The following SLC14A2 variants were observed in gnomAD, a reference collection of about 807,000 sequenced individuals.
SLC14A2 encodes solute carrier family 14 member 2.
SLC14A2 carries 91 observed loss-of-function variants against 104.6 expected under a neutral mutation model. The observed-to-expected ratio is 0.87, with a 90% confidence interval of 0.73 to 1.04. The LOEUF (loss-of-function observed/expected upper bound fraction) is 1.04. SLC14A2 is among the 50% of genes least tolerant of loss of function. SLC14A2 has a pLI of 0.00. For missense variants in SLC14A2, 1,189 were observed against 1,156.0 expected, an observed-to-expected ratio of 1.03 and a Z score of -0.41; for synonymous variants, 476 against 466.4, an observed-to-expected ratio of 1.02 and a Z score of -0.27.
chr18:45,387,878 A>G (rs2085915310), intron 1 of SLC14A2, among the ~76,000 whole-genome samples: 2 of 152,144 alleles, frequency 1.3e-5, no homozygotes, highest in African/African-American at 2.4e-5. Flanking sequence ...AAGCCGGTAT[A>G]GGCTTTGTCC....
intron 10 of SLC14A2, among the ~76,000 whole-genome samples, chr18:45,649,063 C>T (rs1047032947): frequency 3.9e-5 from 6 of 152,160 alleles, no homozygotes; most frequent in South Asian, 2.1e-4. Flanking sequence ...CCCAGCTACT[C>T]GGGAGGCTGA....
chr18:45,177,616 A>G, the SLC14A2 span, among the ~76,000 whole-genome samples: 1 of 152,138 alleles, frequency 6.6e-6, no homozygotes, highest in African/African-American at 2.4e-5. Context: ...ATCAGATTAA[A>G]TGTTAGTGCC....
chr18:45,433,718 A>G (rs2086554178), intron 1 of SLC14A2, among the ~76,000 whole-genome samples: 1 of 152,236 alleles, frequency 6.6e-6, no homozygotes. Context: ...TTGGATTCAA[A>G]CTAAGAGGAT....
At chr18:45,382,375 T>C (rs2085848348) in intron 1 of SLC14A2, among the ~76,000 whole-genome samples, 1 of 152,140 alleles carries the variant, frequency 6.6e-6, no homozygotes, top group Non-Finnish European at 1.5e-5. Flanking sequence ...TATTGAGCAG[T>C]ATAATGGGGG....
chr18:45,222,260 A>G (rs78452427), intron 1 of SLC14A2, among the ~76,000 whole-genome samples: 1 of 152,130 alleles, frequency 6.6e-6, no homozygotes, highest in Non-Finnish European at 1.5e-5. Flanking sequence ...TCTTTCTGCC[A>G]AAAAAAGTAT....
Position 45,291,005 on chromosome 18 carries a change from C to T in SLC14A2, c.-125+77814C>T, listed in dbSNP as rs563474413. Among the ~76,000 whole-genome samples the T allele has an allele frequency of 4.0e-4, 61 of 152,206 alleles. 1 individual carries two copies. The highest frequency in any genetic ancestry group is 3.4e-3 in the Middle Eastern group (1 of 294). On this transcript the variant is annotated intron_variant, in intron 1 of 20. Coordinates refer to the SLC14A2 transcript ENST00000586448. ...TTGATATTTTAGAAATGGTTCCCAG[C>T]GTCATCAATAAATGTTAGAGAATTT... is the stretch of plus-strand genomic sequence containing the variant.
intron 2 of SLC14A2, among the ~76,000 whole-genome samples, chr18:45,512,834 C>T (rs951562260): frequency 6.6e-6 from 1 of 152,172 alleles, no homozygotes; most frequent in African/African-American, 2.4e-5. Flanking sequence ...GGTGGGAAGG[C>T]AGAGCGGAAT....
At chr18:45,373,798 C>G (rs1028318345) in intron 1 of SLC14A2, among the ~76,000 whole-genome samples, 2 of 152,188 alleles carry the variant, frequency 1.3e-5, no homozygotes, top group Admixed American at 1.3e-4. Context: ...TGTAAATCCT[C>G]TATGCTTCGG....
At chr18:45,308,796 G>C (rs570560594) in intron 1 of SLC14A2, among the ~76,000 whole-genome samples, 1 of 152,102 alleles carries the variant, frequency 6.6e-6, no homozygotes, top group Non-Finnish European at 1.5e-5. Flanking sequence ...CTTTCCTCCT[G>C]GTCTGAACAT....
intron 1 of SLC14A2, among the ~76,000 whole-genome samples, chr18:45,431,821 G>A (rs1178082954): frequency 3.3e-5 from 5 of 152,194 alleles, no homozygotes; most frequent in Admixed American, 3.3e-4. Context: ...GCCAATAGGA[G>A]GTGACAATCC....
chr18:45,460,973 G>A (rs2087034999), intron 1 of SLC14A2, among the ~76,000 whole-genome samples: 2 of 152,100 alleles, frequency 1.3e-5, no homozygotes, highest in Non-Finnish European at 2.9e-5. Context: ...AATACCTGGT[G>A]TCCTAAGTCC....
intron 2 of SLC14A2, among the ~76,000 whole-genome samples, chr18:45,524,970 T>C (rs1449201170): frequency 1.3e-5 from 2 of 152,204 alleles, no homozygotes; most frequent in Non-Finnish European, 1.5e-5. Flanking sequence ...AGATGAAATG[T>C]TGAAGTCAAA....
chr18:45,662,546 T>C (rs569319078), intron 10 of SLC14A2, among the ~76,000 whole-genome samples: 1 of 152,240 alleles, frequency 6.6e-6, no homozygotes, highest in East Asian at 1.9e-4. Context: ...GCAAGCTCCC[T>C]GGTCCACAAA....
chr18:45,361,504 T>C (rs2085610769), intron 1 of SLC14A2, among the ~76,000 whole-genome samples: 1 of 152,158 alleles, frequency 6.6e-6, no homozygotes, highest in East Asian at 1.9e-4. Flanking sequence ...TCTACAATTT[T>C]ATTGAATGGA....
chr18:45,326,696 A>C (rs1276516414), intron 1 of SLC14A2, among the ~76,000 whole-genome samples: 1 of 152,202 alleles, frequency 6.6e-6, no homozygotes, highest in African/African-American at 2.4e-5. Flanking sequence ...TCCTGCACCC[A>C]AATACTAAGG....
chr18:45,320,044 T>C (rs2085169952), intron 1 of SLC14A2, among the ~76,000 whole-genome samples: 1 of 152,210 alleles, frequency 6.6e-6, no homozygotes, highest in African/African-American at 2.4e-5. Flanking sequence ...GACTCCACCA[T>C]TAAATTCCTG....
chr18:45,531,815 A>G (rs1044527623), intron 2 of SLC14A2, among the ~76,000 whole-genome samples: 4 of 152,080 alleles, frequency 2.6e-5, no homozygotes, highest in Admixed American at 2.6e-4. Context: ...GTTTTCTTCT[A>G]GGGTTTTTAT....
Position 45,257,873 on chromosome 18 carries a change from T to C in SLC14A2, c.-125+44682T>C, listed in dbSNP as rs547207552. Among the ~76,000 whole-genome samples the C allele has an allele frequency of 1.1e-3, 166 of 152,286 alleles. 3 individuals carry two copies. The highest frequency in any genetic ancestry group is 1.5e-3 in the South Asian group (7 of 4,818). On this transcript the variant is annotated intron_variant, in intron 1 of 20. Coordinates refer to the SLC14A2 transcript ENST00000586448. ...TTTTTCATGTAAAAGGTGGCAATTA[T>C]CACATATTTGAGCCACAGAACATCC... is the stretch of plus-strand genomic sequence containing the variant.
chr18:45,521,383 G>A (rs904676288), intron 2 of SLC14A2, among the ~76,000 whole-genome samples: 1 of 152,096 alleles, frequency 6.6e-6, no homozygotes, highest in Non-Finnish European at 1.5e-5. Context: ...GAGTGCACAG[G>A]GTTAGGGATA....
Sources: allele counts gnomAD v4.1 joint callset (sites outside exome capture counted in the v4.1 genomes callset), GRCh38; gene constraint gnomAD v4.1.1; transcripts MANE v1.5; gene names NCBI Gene and HGNC (gene_info 2026-07-23, HGNC 2026-07-21).